SORBS2: variants seen among roughly 807,000 people sequenced by gnomAD.
SORBS2 encodes sorbin and SH3 domain containing 2.
In SORBS2, 46 loss-of-function variants were observed where a neutral mutation model predicts 97.7. That is an observed-to-expected ratio of 0.47 (90% CI 0.37 to 0.60). SORBS2 has a LOEUF of 0.60. Ranked by LOEUF, SORBS2 falls within the 20% of genes least tolerant of loss-of-function variation. The pLI, the probability that SORBS2 is intolerant of heterozygous loss-of-function variation, is 0.00. For missense variants in SORBS2, 1,316 were observed against 1,282.3 expected (o/e 1.03, Z -0.40); for synonymous variants, 476 against 473.4 (o/e 1.01, Z -0.07).
chr4:185,752,265 CT>C (rs995884970), intron 2 of SORBS2, among the ~76,000 whole-genome samples: 4 of 152,102 alleles, frequency 2.6e-5, no homozygotes, highest in Non-Finnish European at 5.9e-5. Flanking sequence ...CTGCAGCAGA[CT>C]TTTATTTATT....
At chr4:185,655,211 T>C (rs2097378371) in intron 1 of SORBS2, among the ~76,000 whole-genome samples, 1 of 152,230 alleles carries the variant, frequency 6.6e-6, no homozygotes, top group South Asian at 2.1e-4. Flanking sequence ...TACTGTTTGT[T>C]GACTCTTGGC....
exon 1 of SORBS2, chr4:185,656,694 G>A: frequency 6.5e-7 from 1 of 1,548,776 alleles, no homozygotes; most frequent in Non-Finnish European, 8.7e-7. Flanking sequence ...CAGTGGACTT[G>A]GTCAGCCAGC....
intron 1 of SORBS2, among the ~76,000 whole-genome samples, chr4:185,792,934 T>A (rs1277539884): frequency 2.6e-5 from 4 of 152,242 alleles, no homozygotes; most frequent in Admixed American, 2.6e-4. Context: ...GTTTAACTTC[T>A]CTGCGCCTGT....
intron 1 of SORBS2, among the ~76,000 whole-genome samples, chr4:185,941,940 ACCCCATCTC>A (rs2099272196): frequency 6.6e-6 from 1 of 151,926 alleles, no homozygotes; most frequent in Non-Finnish European, 1.5e-5. Context: ...ATGTGGTGAA[ACCCCATCTC>A]TACTAAAAAT....
intron 2 of SORBS2, among the ~76,000 whole-genome samples, chr4:185,650,163 G>A (rs979103570): frequency 3.9e-5 from 6 of 152,146 alleles, no homozygotes; most frequent in African/African-American, 1.4e-4. Context: ...AAGGAAACAT[G>A]AGTCCTCAAT....
At chr4:185,631,796 AAAC>A (rs2096913408) in intron 4 of SORBS2, among the ~76,000 whole-genome samples, 1 of 151,822 alleles carries the variant, frequency 6.6e-6, no homozygotes, top group Non-Finnish European at 1.5e-5. Flanking sequence ...CAAAAAAACA[AAAC>A]AAAACAAAAC....
chr4:185,623,864 T>C lies in SORBS2; in HGVS notation c.1265A>G (p.Gln422Arg). 6.2e-7 allele frequency: 1 copy of C among 1,614,214 alleles called. No individual in the cohort carries two copies. The highest frequency in any genetic ancestry group is 8.5e-7 in the Non-Finnish European group (1 of 1,180,034). ...TAAATTTGGCATGGATTTGGACTTC[T>C]GGATCAGCTTTTCGAATTCGGAGAT... The change falls in exon 7 of 15, where the codon CAG becomes CGG. Residue 422 changes from glutamine to arginine, a missense_variant. Coordinates refer to ENST00000418609, the Ensembl canonical transcript of SORBS2. The surrounding 1 kb of genome is among the most constrained non-coding windows in gnomAD (Gnocchi z 6.4).
At chr4:185,749,690 G>A (rs2098788022) in intron 2 of SORBS2, among the ~76,000 whole-genome samples, 1 of 152,190 alleles carries the variant, frequency 6.6e-6, no homozygotes, top group Non-Finnish European at 1.5e-5. Context: ...TAATTTTGGT[G>A]CAAAAGCAGA....
At chr4:185,694,951 C>T (rs544909669) in intron 2 of SORBS2, among the ~76,000 whole-genome samples, 315 of 151,750 alleles carry the variant, frequency 2.1e-3, no homozygotes, top group Non-Finnish European at 3.9e-3. Flanking sequence ...GTGATCCTCC[C>T]GCCTCAGCCT....
At chr4:185,740,001 G>A (rs1018322417) in intron 2 of SORBS2, 3 of 152,556 alleles carry the variant, frequency 2.0e-5, no homozygotes, top group South Asian at 2.1e-4. Flanking sequence ...AAACACTTAC[G>A]TTTTGTGGAG....
chr4:185,789,075 C>T (rs1269318988), intron 1 of SORBS2, among the ~76,000 whole-genome samples: 1 of 152,142 alleles, frequency 6.6e-6, no homozygotes, highest in African/African-American at 2.4e-5. Flanking sequence ...CTCTGGACTC[C>T]AATTATTCTT....
intron 2 of SORBS2, among the ~76,000 whole-genome samples, chr4:185,652,054 C>A (rs1458338189): frequency 2.6e-5 from 4 of 152,040 alleles, no homozygotes; most frequent in Non-Finnish European, 5.9e-5. Context: ...AGCCTCCAAA[C>A]CTCCAACCCC....
chr4:185,593,864 A>G (rs922557322), intron 13 of SORBS2, 22 bp downstream of exon 25: 1 of 1,530,672 alleles, frequency 6.5e-7, no homozygotes, highest in Non-Finnish European at 9.1e-7. Flanking sequence ...TCTCAAATTT[A>G]GAAGATAAGA....
intron 1 of SORBS2, among the ~76,000 whole-genome samples, chr4:185,879,199 G>A (rs1182802903): frequency 7.6e-6 from 1 of 131,290 alleles, no homozygotes; most frequent in Non-Finnish European, 1.6e-5. Flanking sequence ...GCCCCGGTGT[G>A]TGATGTTCCC....
intron 1 of SORBS2, among the ~76,000 whole-genome samples, chr4:185,828,791 G>T (rs144919417): frequency 6.6e-6 from 1 of 152,116 alleles, no homozygotes; most frequent in Non-Finnish European, 1.5e-5. Context: ...GGGTGGAAAA[G>T]GGCTTTGCAG....
chr4:185,839,857 G>A (rs1022179718), intron 1 of SORBS2, among the ~76,000 whole-genome samples: 1 of 152,170 alleles, frequency 6.6e-6, no homozygotes, highest in African/African-American at 2.4e-5. Flanking sequence ...ATCCTTAGAG[G>A]GATGGAGTCA....
At chr4:185,797,652 C>A (rs970552706) in intron 1 of SORBS2, among the ~76,000 whole-genome samples, 3 of 152,272 alleles carry the variant, frequency 2.0e-5, no homozygotes. Context: ...TCTCTTCCCC[C>A]TAAGTAGGGA....
chr4:185,623,477 T>A lies in SORBS2; in HGVS notation c.1652A>T (p.His551Leu). Residue 551 changes from histidine (H) to leucine (L), a missense_variant, in exon 7 of 15, where the codon CAC (histidine) becomes CTC (leucine). Transcript: ENST00000418609. The surrounding 1 kb of genome is among the most constrained non-coding windows in gnomAD (Gnocchi z 6.4). ...GCTGATGAGGTGGCGGTGGTGGTGG[T>A]GGTGGTGATGGTGGTGGTGGTGGCT... 1 of 1,612,570 alleles carries A rather than the reference T, an allele frequency of 6.2e-7. No homozygotes were observed. Among genetic ancestry groups the A allele is most frequent in the Non-Finnish European group, 8.5e-7 (1 of 1,179,888 alleles).
chr4:185,728,323 G>A (rs372322860), intron 2 of SORBS2, among the ~76,000 whole-genome samples: 1 of 152,118 alleles, frequency 6.6e-6, no homozygotes, highest in African/African-American at 2.4e-5. Flanking sequence ...TGACTGTAGG[G>A]TTGATTAAGG....
Sources: gnomAD v4.1 joint callset for allele counts (sites outside exome capture counted in the v4.1 genomes callset) on GRCh38, gnomAD v4.1.1 for gene constraint, Gnocchi (gnomAD v3.1) non-coding constraint, MANE v1.5 for transcripts, NCBI Gene and HGNC (gene_info 2026-07-23, HGNC 2026-07-21) for gene names.